Variants in CCDC170 observed in about 807,000 individuals in gnomAD.
The protein encoded by CCDC170 is coiled-coil domain-containing protein 170.
Under a neutral mutation model 72.6 loss-of-function variants are expected in CCDC170, and 69 were observed. That is an observed-to-expected ratio of 0.95 (90% CI 0.78 to 1.16). The LOEUF is 1.16. Ranked by LOEUF, CCDC170 falls within the 50% of genes most tolerant of loss-of-function variation. CCDC170 has a pLI of 0.00. For synonymous variants in CCDC170, 300 were observed against 303.9 expected (o/e 0.99, Z 0.13); for missense variants, 852 against 832.5 (o/e 1.02, Z -0.29).
intron 2 of CCDC170, 34 bp from the exon 3 acceptor site, chr6:151,538,011 G>A: frequency 6.5e-6 from 9 of 1,374,190 alleles, no homozygotes; most frequent in Non-Finnish European, 6.9e-6. Flanking sequence ...TGTTGTTAAG[G>A]TTTTTTTTTT....
At chr6:151,596,726 T>C (rs1310272042) in intron 9 of CCDC170, 149 bp downstream of exon 9, 10 of 1,125,646 alleles carry the variant, frequency 8.9e-6, no homozygotes, top group Non-Finnish European at 1.2e-6. Flanking sequence ...AATGCAAAAA[T>C]GACACAAATC....
intron 1 of CCDC170, among the ~76,000 whole-genome samples, chr6:151,523,200 C>T (rs753274922): frequency 5.3e-5 from 8 of 152,102 alleles, no homozygotes; most frequent in Non-Finnish European, 1.2e-4. Context: ...TGGATTCTGT[C>T]TAACAGAAGA....
At chr6:151,531,567 G>T (rs1399299081) in intron 1 of CCDC170, among the ~76,000 whole-genome samples, 1 of 152,210 alleles carries the variant, frequency 6.6e-6, no homozygotes, top group Admixed American at 6.5e-5. Context: ...TGTTTAGGGG[G>T]AAAACCCAAA....
At chr6:151,581,427 G>A (rs561706066) in intron 6 of CCDC170, among the ~76,000 whole-genome samples, 4 of 152,274 alleles carry the variant, frequency 2.6e-5, no homozygotes, top group African/African-American at 9.6e-5. Context: ...ATTCAAGTTT[G>A]ATCATGAGGT....
chr6:151,535,176 C>T (rs914528232), intron 1 of CCDC170, among the ~76,000 whole-genome samples: 32 of 152,162 alleles, frequency 2.1e-4, no homozygotes, highest in African/African-American at 7.5e-4. Context: ...AATCAGTTGC[C>T]AACCTGCAAA....
intron 7 of CCDC170, among the ~76,000 whole-genome samples, chr6:151,591,211 C>T (rs1269825036): frequency 6.6e-6 from 1 of 152,036 alleles, no homozygotes; most frequent in Non-Finnish European, 1.5e-5. Context: ...CATTTAATTG[C>T]CTGAATAAGC....
intron 1 of CCDC170, among the ~76,000 whole-genome samples, chr6:151,523,685 CA>C (rs11353679): frequency 0.19 from 21,586 of 115,396 alleles, 1,663 homozygotes; most frequent in Middle Eastern, 0.31. Context: ...GACTCTGTCT[CA>C]AAAAAAAAAA....
chr6:151,606,413 T>C (rs1380251629), intron 9 of CCDC170, among the ~76,000 whole-genome samples: 3 of 152,242 alleles, frequency 2.0e-5, no homozygotes, highest in African/African-American at 4.8e-5. Flanking sequence ...TTAATTTCCA[T>C]GTATTTGTAG....
intron 5 of CCDC170, among the ~76,000 whole-genome samples, chr6:151,552,873 G>A (rs1035069683): frequency 1.5e-5 from 2 of 131,974 alleles, no homozygotes. Flanking sequence ...TGCAACCTCT[G>A]CCTTCCAGGT....
At chr6:151,585,082 T>A (rs975016113) in intron 6 of CCDC170, among the ~76,000 whole-genome samples, 1 of 152,206 alleles carries the variant, frequency 6.6e-6, no homozygotes, top group African/African-American at 2.4e-5. Context: ...TTGAGTTTTC[T>A]GAGAGTGTCC....
intron 9 of CCDC170, among the ~76,000 whole-genome samples, chr6:151,600,176 T>C (rs967817279): frequency 6.6e-6 from 1 of 152,230 alleles, no homozygotes; most frequent in African/African-American, 2.4e-5. Context: ...TTGTATTTGA[T>C]ACAAATCCAA....
intron 6 of CCDC170, among the ~76,000 whole-genome samples, chr6:151,580,426 A>G (rs1776364551): frequency 6.6e-6 from 1 of 152,100 alleles, no homozygotes; most frequent in Non-Finnish European, 1.5e-5. Context: ...ATTATTTGTT[A>G]TACCAAGATA....
At chr6:151,517,693 C>T (rs908710747) in intron 1 of CCDC170, among the ~76,000 whole-genome samples, 62 of 152,064 alleles carry the variant, frequency 4.1e-4, no homozygotes, top group Non-Finnish European at 7.9e-4. Context: ...CCACCCACCT[C>T]GGCCTCCCAA....
chr6:151,520,830 C>T (rs766410953), intron 1 of CCDC170, among the ~76,000 whole-genome samples: 1 of 152,156 alleles, frequency 6.6e-6, no homozygotes, highest in Non-Finnish European at 1.5e-5. Context: ...AGTCAACATT[C>T]CTGGTTCACT....
intron 4 of CCDC170, among the ~76,000 whole-genome samples, chr6:151,546,217 C>T (rs1423568801): frequency 1.3e-5 from 2 of 152,142 alleles, no homozygotes; most frequent in Admixed American, 6.5e-5. Context: ...ATAGCTGGGA[C>T]CATGGGTCCA....
intron 7 of CCDC170, among the ~76,000 whole-genome samples, chr6:151,586,997 G>T (rs888399317): frequency 5.3e-5 from 8 of 152,020 alleles, no homozygotes; most frequent in African/African-American, 1.9e-4. Flanking sequence ...TGTTAGCTGG[G>T]GTGGTCTCGA....
At chr6:151,553,017 C>G (rs1237975743) in intron 5 of CCDC170, among the ~76,000 whole-genome samples, 1 of 151,978 alleles carries the variant, frequency 6.6e-6, no homozygotes, top group Non-Finnish European at 1.5e-5. Context: ...GAACTCCTGA[C>G]TTCAAGTGAT....
chr6:151,523,155 C>T (rs1025085900), intron 1 of CCDC170, among the ~76,000 whole-genome samples: 1 of 152,116 alleles, frequency 6.6e-6, no homozygotes, highest in African/African-American at 2.4e-5. Context: ...TGTGGAGGCT[C>T]TGTTGCTCTC....
At chr6:151,616,795 C>T (rs1488353739) in intron 10 of CCDC170, among the ~76,000 whole-genome samples, 1 of 152,064 alleles carries the variant, frequency 6.6e-6, no homozygotes. Context: ...AGAGTCAGCC[C>T]CTTCTTGCTG....
Sources: allele counts gnomAD v4.1 joint callset (sites outside exome capture counted in the v4.1 genomes callset), GRCh38; gene constraint gnomAD v4.1.1; transcripts MANE v1.5; gene names NCBI Gene and HGNC (gene_info 2026-07-23, HGNC 2026-07-21).